Variants in MEAK7 observed in about 807,000 individuals in gnomAD.
MEAK7 encodes the protein MTOR associated protein MEAK7.
Under a neutral mutation model 40.5 loss-of-function variants are expected in MEAK7, and 68 were observed. The ratio of observed to expected loss-of-function variants is 1.68; its 90% CI spans 1.38 to 2.06. The LOEUF (loss-of-function observed/expected upper bound fraction) is 2.06. Among genes scored for constraint, MEAK7 ranks in the 30% most tolerant of loss-of-function variants. The pLI is 0.00. For synonymous variants in MEAK7, 338 were observed against 231.9 expected, an observed-to-expected ratio of 1.46 and a Z score of -4.16; for missense variants, 918 against 580.5, an observed-to-expected ratio of 1.58 and a Z score of -5.98.
At position 84,486,777 on chromosome 16, in the gene MEAK7, G is replaced by A. The variant is rs1264877922; in HGVS notation, c.812C>T (p.Ser271Leu). The change falls in exon 5 of 8, where the codon TCG (serine) becomes TTG (leucine). Residue 271 changes from serine to leucine, a missense_variant. Ser to Leu is a moderately radical substitution (Grantham distance 145, BLOSUM62 -2). Transcript: ENST00000343629. Reference protein sequence around the residue: ...EQRHRWCLLFSSELHGHSFSQ... With the variant: ...EQRHRWCLLFLSELHGHSFSQ... The stretch of plus-strand genomic sequence containing the variant: ...GAAGCTGTGTCCATGGAGCTCAGAC[G>A]AAAAGAGCAGGCACCAGCGGTGCCG... 1.3e-5 allele frequency: 21 copies of A among 1,613,924 alleles called. No individual in the cohort carries two copies. Among genetic ancestry groups the A allele is most frequent in the East Asian group, 8.9e-5 (4 of 44,898 alleles).
chr16:84,482,587 C>T lies in MEAK7; in HGVS notation c.1077+5G>A. 1.9e-6 allele frequency: 3 copies of T among 1,614,140 alleles called. No individual in the cohort carries two copies. Among genetic ancestry groups the T allele is most frequent in the Non-Finnish European group, 2.5e-6 (3 of 1,179,980 alleles). ...GCAAGACCACCACGCTCTGCCCGGG[C>T]TCACCAGTCCGTTCGGGATCGTCTG... On this transcript the variant is annotated splice_donor_5th_base_variant and intron_variant, in intron 6 of 7. Transcript: ENST00000343629.
At chr16:84,495,443 C>T (rs534472668) in intron 3 of MEAK7, among the ~76,000 whole-genome samples, 1 of 152,302 alleles carries the variant, frequency 6.6e-6, no homozygotes, top group South Asian at 2.1e-4. Context: ...TCCCTCCTTC[C>T]CCTGCAGTCT....
At chr16:84,491,338 G>A (rs997137343) in intron 3 of MEAK7, among the ~76,000 whole-genome samples, 7 of 152,088 alleles carry the variant, frequency 4.6e-5, no homozygotes, top group Middle Eastern at 3.4e-3. Flanking sequence ...AGGAGGTCGC[G>A]ACCAGCCTGG....
chr16:84,480,555 C>T lies in MEAK7; in HGVS notation c.1231G>A (p.Val411Ile). Reference protein sequence around the residue: ...FQFDKMEVWAVGDPSEEQLAK... With the variant: ...FQFDKMEVWAIGDPSEEQLAK... ...AACTGCTCCTCTGAGGGGTCTCCAA[C>T]CGCCCACACCTCCATCTTATCAAAC... The change falls in exon 7 of 8, where the codon GTT becomes ATT. Residue 411 changes from valine to isoleucine, a missense_variant. Physicochemically the swap from Val to Ile is conservative, Grantham distance 29. Transcript: ENST00000343629. 5 of 1,612,732 alleles carry T rather than the reference C, an allele frequency of 3.1e-6. No individual in the cohort carries two copies. The highest frequency in any genetic ancestry group is 4.2e-6 in the Non-Finnish European group (5 of 1,179,380).
chr16:84,502,108 C>T (rs1169792851), intron 1 of MEAK7, among the ~76,000 whole-genome samples: 3 of 151,774 alleles, frequency 2.0e-5, no homozygotes, highest in Non-Finnish European at 2.9e-5. Flanking sequence ...CATGCCATTG[C>T]ACTCCAGCCT....
chr16:84,482,647 T>G lies in MEAK7; in HGVS notation c.1022A>C (p.Tyr341Ser). The change falls in exon 6 of 8, where the codon TAC (tyrosine) becomes TCC (serine). Residue 341 changes from tyrosine (Y) to serine (S), a missense_variant. Tyr to Ser is a moderately radical substitution (Grantham distance 144, BLOSUM62 -2). Coordinates refer to ENST00000343629, the MANE Select transcript of MEAK7 (RefSeq NM_020947.4). The part of the protein sequence containing the change: ...PSMAVYTHTG[Y>S]NDHYMYLNHG... ...GTTCAAGTACATGTAGTGGTCGTTG[T>G]AGCCCGTGTGTGTGTACACAGCCAT... The G allele has an allele frequency of 6.2e-7, 1 of 1,614,256 alleles. No individual in the cohort carries two copies. The highest frequency in any genetic ancestry group is 8.5e-7 in the Non-Finnish European group (1 of 1,180,050).
chr16:84,493,395 T>C (rs447626), intron 3 of MEAK7, among the ~76,000 whole-genome samples: 150,184 of 152,358 alleles, frequency 0.99, 74,051 homozygotes, highest in East Asian at 1. Context: ...GGAAAACTTC[T>C]AGGACTCATA....
chr16:84,479,839 G>T lies in MEAK7; in HGVS notation c.*74C>A, dbSNP rs74382883. On this transcript the variant is annotated 3_prime_UTR_variant, in exon 8 of 8. Transcript: ENST00000343629. ...TATTACAGTTAAACCATGTGGGAGG[G>T]AAGAGGGGCTGCAGGCGTTGCCCTC... 2 of 1,160,862 alleles carry T rather than the reference G, an allele frequency of 1.7e-6. No individual in the cohort carries two copies. Among genetic ancestry groups the T allele is most frequent in the Non-Finnish European group, 1.2e-6 (1 of 824,594 alleles). The allele number at this position is 1,160,862 out of a possible 1,614,324, so 71.9% of individuals were successfully genotyped here.
rs1912337694 is a variant in MEAK7 at position 84,479,665 on chromosome 16, G to A, written c.*248C>T. 1.1e-5 allele frequency: 4 copies of A among 367,820 alleles called. No individual in the cohort carries two copies. The Admixed American group carries it at 1.4e-4, about 13-fold the overall frequency. The allele number at this position is 367,820 out of a possible 1,614,324, so 22.8% of individuals were successfully genotyped here. The stretch of plus-strand genomic sequence containing the variant: ...TACTAATTTGACACAAGATTTCTTG[G>A]AGAGATCCTGAGGGTGACCCTGTAG... On this transcript the variant is annotated 3_prime_UTR_variant, in exon 8 of 8. Coordinates refer to ENST00000343629, the MANE Select transcript of MEAK7 (RefSeq NM_020947.4).
At chr16:84,497,434 C>T (rs753574827) in intron 2 of MEAK7, 8 of 1,288,498 alleles carry the variant, frequency 6.2e-6, no homozygotes, top group East Asian at 5.6e-5. Context: ...CTAGAGGCAA[C>T]GGTGCACCTG....
Position 84,479,619 on chromosome 16 carries a change from G to A in MEAK7, c.*294C>T, listed in dbSNP as rs1912333831. The A allele has an allele frequency of 7.1e-6, 2 of 282,400 alleles. No individual in the cohort carries two copies. 17.5% of individuals were successfully genotyped at this position (282,400 alleles called of 1,614,324 possible). ...TGCTTAGGATTTCGTTGGTAAAAAAGAACAAAGTATAAGACTGAGTTACTA... is the reference window on the plus strand; with the variant it reads ...TGCTTAGGATTTCGTTGGTAAAAAAAAACAAAGTATAAGACTGAGTTACTA... On this transcript the variant is annotated 3_prime_UTR_variant, in exon 8 of 8. Coordinates refer to ENST00000343629, the MANE Select transcript of MEAK7 (RefSeq NM_020947.4).
chr16:84,484,003 C>T (rs905488719), intron 5 of MEAK7, among the ~76,000 whole-genome samples: 3 of 152,196 alleles, frequency 2.0e-5, no homozygotes, highest in Non-Finnish European at 2.9e-5. Flanking sequence ...CAGGTTTAGA[C>T]GCCGCCATGA....
At chr16:84,500,853 G>C (rs57412484) in intron 1 of MEAK7, among the ~76,000 whole-genome samples, 6,089 of 152,176 alleles carry the variant, frequency 0.04, 357 homozygotes, top group East Asian at 0.25. Context: ...CGAAGAGCCT[G>C]CAAGGTGGGC....
At chr16:84,498,254 G>A in intron 1 of MEAK7, 143 bp from the exon 2 acceptor site, 2 of 1,020,378 alleles carry the variant, frequency 2.0e-6, no homozygotes, top group Non-Finnish European at 2.7e-6. Flanking sequence ...ACATAATACT[G>A]GGTTTTGGGT....
chr16:84,500,091 T>C (rs6564046), intron 1 of MEAK7: 59,247 of 152,144 alleles, frequency 0.39, 11,950 homozygotes, highest in East Asian at 0.59. Flanking sequence ...ATTGTCTCTT[T>C]TCATTTAGCA....
chr16:84,496,094 G>A (rs1162918184), intron 2 of MEAK7, among the ~76,000 whole-genome samples, 181 bp from the exon 3 acceptor site: 1 of 152,186 alleles, frequency 6.6e-6, no homozygotes, highest in Non-Finnish European at 1.5e-5. Context: ...CGGAAACTTT[G>A]ATATGCAAAT....
intron 1 of MEAK7, among the ~76,000 whole-genome samples, chr16:84,498,408 A>T (rs896232971): frequency 6.6e-6 from 1 of 150,654 alleles, no homozygotes; most frequent in African/African-American, 2.4e-5. Flanking sequence ...AGCTGGGACT[A>T]CAGGACCACA....
chr16:84,480,598 C>G lies in MEAK7; in HGVS notation c.1188G>C (p.Ser396=). The G allele has an allele frequency of 6.2e-7, 1 of 1,614,070 alleles. No homozygotes were observed. Among genetic ancestry groups the G allele is most frequent in the Non-Finnish European group, 8.5e-7 (1 of 1,179,964 alleles). The change falls in exon 7 of 8, where the codon TCG becomes TCC. Residue 396 remains serine (S), a synonymous_variant. Coordinates refer to ENST00000343629, the MANE Select transcript of MEAK7 (RefSeq NM_020947.4). The part of the protein sequence containing the change: ...TCTTYNSPQL[S]AQENFQFDKM... The stretch of plus-strand genomic sequence containing the variant: ...TATCAAACTGGAAGTTCTCCTGAGC[C>G]GACAGCTGCGGGCTGTTGTACGTGG...
chr16:84,498,211 A>G (rs1914216139), intron 1 of MEAK7, 100 bp from the exon 2 acceptor site: 1 of 1,378,746 alleles, frequency 7.3e-7, no homozygotes, highest in Non-Finnish European at 9.8e-7. Flanking sequence ...ATACTGATAT[A>G]GCCACAAAAT....
Sources: allele counts gnomAD v4.1 joint callset (sites outside exome capture counted in the v4.1 genomes callset), GRCh38; gene constraint gnomAD v4.1.1; transcripts MANE v1.5; gene names NCBI Gene and HGNC (gene_info 2026-07-23, HGNC 2026-07-21).